Variants in EXOC4 observed in about 807,000 individuals in gnomAD.
The protein encoded by EXOC4 is SEC8-like 1.
A neutral mutation model predicts 107.2 loss-of-function variants in EXOC4; 71 were observed. The ratio of observed to expected loss-of-function variants is 0.66; its 90% CI spans 0.55 to 0.81. The LOEUF (loss-of-function observed/expected upper bound fraction) is 0.81, where lower values mean the gene tolerates loss of function less well. Among genes scored for constraint, EXOC4 ranks in the 30% least tolerant of loss-of-function variants. EXOC4 has a pLI of 0.00. For missense variants in EXOC4, 1,108 were observed against 1,189.6 expected (o/e 0.93, Z 1.01); for synonymous variants, 456 against 441.2 (o/e 1.03, Z -0.42).
intron 10 of EXOC4, among the ~76,000 whole-genome samples, chr7:133,688,373 A>T (rs756795974): frequency 6.6e-6 from 1 of 152,206 alleles, no homozygotes; most frequent in African/African-American, 2.4e-5. Context: ...TACGTATTGA[A>T]AAAAGTAATA....
chr7:133,534,656 C>A (rs545097926), intron 9 of EXOC4, among the ~76,000 whole-genome samples: 1 of 152,298 alleles, frequency 6.6e-6, no homozygotes, highest in East Asian at 1.9e-4. Flanking sequence ...CATACACATA[C>A]ATAGTAGTGT....
At chr7:133,577,463 T>A (rs894203901) in intron 9 of EXOC4, among the ~76,000 whole-genome samples, 1 of 152,318 alleles carries the variant, frequency 6.6e-6, no homozygotes, top group South Asian at 2.1e-4. Context: ...AATTAGAAGA[T>A]CTCTTAAATA....
At chr7:134,085,459 T>C in the EXOC4 span, among the ~76,000 whole-genome samples, 57 of 152,320 alleles carry the variant, frequency 3.7e-4, 1 homozygote, top group African/African-American at 1.2e-3. Flanking sequence ...TGTAACATTT[T>C]AACTTGCACT....
intron 1 of EXOC4, among the ~76,000 whole-genome samples, chr7:133,269,778 T>C (rs12707087): frequency 0.86 from 131,361 of 152,174 alleles, 57,208 homozygotes; most frequent in African/African-American, 0.97. Context: ...AACCTCTTTC[T>C]GTTTGGAAGT....
chr7:134,051,631 C>T (rs1288000589), intron 17 of EXOC4, among the ~76,000 whole-genome samples: 7 of 149,000 alleles, frequency 4.7e-5, no homozygotes, highest in Middle Eastern at 7.1e-3. Flanking sequence ...GAGATCGCGC[C>T]GCTGCACTCC....
intron 10 of EXOC4, among the ~76,000 whole-genome samples, chr7:133,726,596 T>C (rs899340520): frequency 6.6e-6 from 1 of 152,232 alleles, no homozygotes; most frequent in Admixed American, 6.5e-5. Context: ...TTGCATTTCT[T>C]TATTTACTCA....
chr7:133,991,984 T>C (rs1794272302), intron 14 of EXOC4, among the ~76,000 whole-genome samples: 1 of 152,214 alleles, frequency 6.6e-6, no homozygotes, highest in South Asian at 2.1e-4. Context: ...TTTCTATTTC[T>C]GTGAAGAATG....
intron 5 of EXOC4, among the ~76,000 whole-genome samples, chr7:133,352,090 C>G (rs1016236064): frequency 5.3e-5 from 8 of 151,764 alleles, no homozygotes; most frequent in African/African-American, 1.9e-4. Flanking sequence ...TAATTGGCAG[C>G]CTAATATATG....
chr7:133,895,812 A>C, intron 12 of EXOC4, 77 bp downstream of exon 12: 1 of 1,483,546 alleles, frequency 6.7e-7, no homozygotes, highest in Non-Finnish European at 9.2e-7. Context: ...TTGCTTCAAT[A>C]GCCTAATTTC....
At chr7:133,785,711 TG>T (rs1796554647) in intron 10 of EXOC4, among the ~76,000 whole-genome samples, 1 of 151,908 alleles carries the variant, frequency 6.6e-6, no homozygotes. Context: ...CTCGTTCTTT[TG>T]CCCAGGCTGG....
chr7:133,255,031 C>T (rs1283108719), intron 1 of EXOC4, among the ~76,000 whole-genome samples: 6 of 151,918 alleles, frequency 3.9e-5, no homozygotes, highest in Non-Finnish European at 8.8e-5. Flanking sequence ...GAGGAACCCC[C>T]TACTGCTTGA....
intron 17 of EXOC4, among the ~76,000 whole-genome samples, chr7:134,031,934 C>G (rs1795281073): frequency 6.6e-6 from 1 of 152,184 alleles, no homozygotes; most frequent in Non-Finnish European, 1.5e-5. Context: ...TACTAAATGT[C>G]TGATCTCCCT....
chr7:133,972,299 A>G (rs1801261288), intron 14 of EXOC4, among the ~76,000 whole-genome samples: 2 of 151,988 alleles, frequency 1.3e-5, no homozygotes, highest in African/African-American at 2.4e-5. Context: ...TTTTTTCAAT[A>G]CCCCTCATGT....
intron 17 of EXOC4, among the ~76,000 whole-genome samples, chr7:134,030,289 G>A (rs569120958): frequency 1.9e-4 from 29 of 152,332 alleles, no homozygotes; most frequent in African/African-American, 5.8e-4. Flanking sequence ...GTTTATAGCA[G>A]TAGGTAGTAT....
intron 10 of EXOC4, among the ~76,000 whole-genome samples, chr7:133,712,831 T>C (rs568817107): frequency 1.3e-5 from 2 of 152,338 alleles, no homozygotes; most frequent in African/African-American, 4.8e-5. Context: ...CAAACCATTA[T>C]ACTAAGTGAA....
intron 14 of EXOC4, among the ~76,000 whole-genome samples, chr7:133,990,188 A>G (rs1422416000): frequency 3.3e-5 from 5 of 152,022 alleles, no homozygotes; most frequent in Non-Finnish European, 7.4e-5. Flanking sequence ...ATTGTTAAGT[A>G]TAATTACCGT....
intron 6 of EXOC4, among the ~76,000 whole-genome samples, chr7:133,364,839 A>G (rs1320902385): frequency 6.6e-6 from 1 of 152,188 alleles, no homozygotes; most frequent in Non-Finnish European, 1.5e-5. Context: ...ACCCAGAGAA[A>G]TGTGAAAGCT....
intron 7 of EXOC4, among the ~76,000 whole-genome samples, chr7:133,383,118 G>A (rs1366323185): frequency 6.6e-6 from 1 of 152,154 alleles, no homozygotes; most frequent in Non-Finnish European, 1.5e-5. Context: ...TGACAAGTGT[G>A]TCATATTGTT....
At chr7:133,636,688 T>G (rs1361986490) in intron 10 of EXOC4, among the ~76,000 whole-genome samples, 3 of 152,210 alleles carry the variant, frequency 2.0e-5, no homozygotes, top group Non-Finnish European at 2.9e-5. Flanking sequence ...GCTGGAATAT[T>G]GAATATCTGG....
Sources: allele counts gnomAD v4.1 joint callset (sites outside exome capture counted in the v4.1 genomes callset), GRCh38; gene constraint gnomAD v4.1.1; transcripts MANE v1.5; gene names NCBI Gene and HGNC (gene_info 2026-07-23, HGNC 2026-07-21).